PRDM10: variants seen among roughly 807,000 people sequenced by gnomAD.
PRDM10 encodes PR domain zinc finger protein 10.
Under a neutral mutation model 133.1 loss-of-function variants are expected in PRDM10, and 65 were observed. The observed-to-expected ratio is 0.49, with a 90% CI of 0.40 to 0.60. PRDM10 has a LOEUF of 0.60. PRDM10 is among the 20% of genes least tolerant of loss of function. The pLI is 0.00. For synonymous variants in PRDM10, 582 were observed against 580.4 expected (o/e 1.00, Z -0.04); for missense variants, 1,137 against 1,507.1 (o/e 0.75, Z 4.07).
chr11:129,985,584 G>A (rs1938365206), intron 1 of PRDM10, among the ~76,000 whole-genome samples: 1 of 151,574 alleles, frequency 6.6e-6, no homozygotes. Context: ...TTGAGCTCAG[G>A]CGTTTGAGAC....
At chr11:129,960,577 G>A (rs111562708) in intron 2 of PRDM10, among the ~76,000 whole-genome samples, 6 of 152,262 alleles carry the variant, frequency 3.9e-5, no homozygotes, top group African/African-American at 1.4e-4. Context: ...TATGGATAAC[G>A]TAAAAGAAAC....
intron 1 of PRDM10, among the ~76,000 whole-genome samples, chr11:129,977,971 AAAAG>A (rs1555113257): frequency 5.3e-5 from 8 of 150,824 alleles, no homozygotes; most frequent in African/African-American, 4.9e-5. Context: ...TTTAAAAAAA[AAAAG>A]AAAGAAAGAA....
intron 1 of PRDM10, among the ~76,000 whole-genome samples, chr11:130,001,844 G>C (rs1457480654): frequency 1.3e-5 from 2 of 152,032 alleles, no homozygotes. Context: ...CCTGGGTGCA[G>C]GCGGACTGGG....
At chr11:129,917,901 C>T (rs1285383512) in intron 14 of PRDM10, among the ~76,000 whole-genome samples, 1 of 152,130 alleles carries the variant, frequency 6.6e-6, no homozygotes, top group Non-Finnish European at 1.5e-5. Context: ...GAGGCTGAGG[C>T]AGGTGGATCA....
At chr11:129,975,177 A>G (rs1937684451) in intron 1 of PRDM10, among the ~76,000 whole-genome samples, 1 of 152,188 alleles carries the variant, frequency 6.6e-6, no homozygotes, top group African/African-American at 2.4e-5. Flanking sequence ...CTGTAATCCC[A>G]GCACTTTGGG....
rs993248501 is a variant in PRDM10, at chr11:129,928,258, C to A, written c.1530+2758G>T. On this transcript the variant is annotated intron_variant, in intron 11 of 20. Transcript: ENST00000360871. Reference sequence around the variant, plus strand: ...GTAGCTGGGACTTATAAGTACATGCCACCACGCCTGACTAAAATGTTTCTA... The same window carrying A: ...GTAGCTGGGACTTATAAGTACATGCAACCACGCCTGACTAAAATGTTTCTA... Among the ~76,000 whole-genome samples, 11 of 151,682 alleles carry A rather than the reference C, an allele frequency of 7.3e-5. No individual in the cohort carries two copies. In the East Asian group the frequency reaches 2.1e-3, roughly 30 times the overall value.
At chr11:129,944,626 GT>G in intron 6 of PRDM10, 144 bp downstream of exon 6, 1 of 1,186,398 alleles carries the variant, frequency 8.4e-7, no homozygotes, top group Non-Finnish European at 1.2e-6. Context: ...TTATTAGTGA[GT>G]TTCCATTTAA....
At chr11:129,975,534 G>A (rs1222732022) in intron 1 of PRDM10, among the ~76,000 whole-genome samples, 1 of 152,126 alleles carries the variant, frequency 6.6e-6, no homozygotes, top group Non-Finnish European at 1.5e-5. Flanking sequence ...GATGGCCCTG[G>A]TAGTAATGAC....
At chr11:129,920,142 C>T (rs1029021139) in intron 13 of PRDM10, among the ~76,000 whole-genome samples, 33 of 152,138 alleles carry the variant, frequency 2.2e-4, no homozygotes, top group Non-Finnish European at 1.0e-4. Context: ...CACTAGTTCC[C>T]GTCTATTCCC....
At chr11:129,946,584 C>T (rs561681682) in intron 5 of PRDM10, among the ~76,000 whole-genome samples, 109 of 152,214 alleles carry the variant, frequency 7.2e-4, no homozygotes, top group African/African-American at 2.4e-3. Flanking sequence ...TGATCAAGGG[C>T]GCTGCCGAGG....
At chr11:130,002,025 T>C (rs1354625767) in intron 1 of PRDM10, among the ~76,000 whole-genome samples, 21 of 151,220 alleles carry the variant, frequency 1.4e-4, no homozygotes, top group Non-Finnish European at 2.8e-4. Flanking sequence ...CGATGGCAAG[T>C]GGGCGGCGCG....
At position 129,918,650 on chromosome 11, in the gene PRDM10, G is replaced by A. The variant is rs771784306; in HGVS notation, c.2103C>T (p.Asp701=). ...TGAACGTCTTGGAGCGGCTGATGCG[G>A]TCGGCTTTCTTGGCCTCCCTCTCAG... ...HNPEREAKKA[D]RISRSKTFKP... is the part of the protein sequence containing the mutation. The change falls in exon 14 of 21, where the codon GAC becomes GAT. Residue 701 remains aspartate, a synonymous_variant. Coordinates refer to ENST00000360871, the MANE Select transcript of PRDM10 (RefSeq NM_199437.2). This position sits in a 1 kb window ranked among gnomAD's most constrained non-coding sequence, Gnocchi z 5.3. 2 of 1,614,200 alleles carry A rather than the reference G, an allele frequency of 1.2e-6. No homozygotes were observed. The highest frequency in any genetic ancestry group is 2.2e-5 in the East Asian group (1 of 44,882).
At position 129,947,483 on chromosome 11, in the gene PRDM10, C is replaced by A; in HGVS notation, c.295-113G>T. 6.4e-7 allele frequency: 1 copy of A among 1,551,032 alleles called. No individual in the cohort carries two copies. The highest frequency in any genetic ancestry group is 1.9e-5 in the Admixed American group (1 of 52,734). On this transcript the variant is annotated intron_variant, in intron 4 of 20. Coordinates refer to ENST00000360871, the MANE Select transcript of PRDM10 (RefSeq NM_199437.2). The surrounding 1 kb of genome is among the most constrained non-coding windows in gnomAD (Gnocchi z 4.6). ...GGCTGGCTGAAATCTAGTCTTCCTACCAACTCCTTCCAGGCCCTGGAAAAA... is the reference window on the plus strand; with the variant it reads ...GGCTGGCTGAAATCTAGTCTTCCTAACAACTCCTTCCAGGCCCTGGAAAAA...
chr11:129,990,292 G>C (rs1938658088), intron 1 of PRDM10, among the ~76,000 whole-genome samples: 1 of 151,956 alleles, frequency 6.6e-6, no homozygotes, highest in Non-Finnish European at 1.5e-5. Context: ...CTTGCAGTGA[G>C]CTGAGATCGA....
intron 17 of PRDM10, 98 bp downstream of exon 17, chr11:129,914,606 A>G: frequency 6.6e-7 from 1 of 1,519,190 alleles, no homozygotes; most frequent in Non-Finnish European, 9.1e-7. Flanking sequence ...ACTTCCACGC[A>G]GAAGGACATT....
intron 7 of PRDM10, 94 bp from the exon 8 acceptor site, chr11:129,937,764 A>C (rs912094139): frequency 8.7e-7 from 1 of 1,152,666 alleles, no homozygotes; most frequent in African/African-American, 1.6e-5. Context: ...GAAACAATTC[A>C]GGCTTTTCCA....
chr11:129,933,823 CCT>C (rs1185874475), intron 9 of PRDM10, among the ~76,000 whole-genome samples: 1 of 152,156 alleles, frequency 6.6e-6, no homozygotes, highest in East Asian at 1.9e-4. Flanking sequence ...GACATTTACC[CCT>C]GTGGTCACAT....
intron 1 of PRDM10, among the ~76,000 whole-genome samples, chr11:130,001,926 C>T (rs1002797443): frequency 6.6e-6 from 1 of 151,704 alleles, no homozygotes; most frequent in East Asian, 1.9e-4. Context: ...CGGGACAGAC[C>T]CGCAGGGGCC....
chr11:129,972,910 A>G (rs935293879), intron 1 of PRDM10, among the ~76,000 whole-genome samples: 2 of 152,214 alleles, frequency 1.3e-5, no homozygotes, highest in African/African-American at 4.8e-5. Context: ...TGATCTGGAC[A>G]TAAAACTCGT....
Sources: gnomAD v4.1 joint callset for allele counts (sites outside exome capture counted in the v4.1 genomes callset) on GRCh38, gnomAD v4.1.1 for gene constraint, Gnocchi (gnomAD v3.1) non-coding constraint, MANE v1.5 for transcripts, NCBI Gene and HGNC (gene_info 2026-07-23, HGNC 2026-07-21) for gene names.